Variants in MYO1C observed in about 807,000 individuals in gnomAD.
MYO1C encodes the protein myosin IC.
A neutral mutation model predicts 150.8 loss-of-function variants in MYO1C; 104 were observed. The observed-to-expected ratio is 0.69, with a 90% confidence interval of 0.59 to 0.81. MYO1C has a LOEUF of 0.81. Among genes scored for constraint, MYO1C ranks in the 30% least tolerant of loss-of-function variants. The probability of loss-of-function intolerance (pLI) is 0.00; values close to 1 mark genes in which losing one functional copy is unlikely to be tolerated. For synonymous variants in MYO1C, 663 were observed against 579.9 expected, an observed-to-expected ratio of 1.14 and a Z score of -2.06; for missense variants, 1,504 against 1,435.0, an observed-to-expected ratio of 1.05 and a Z score of -0.78.
intron 1 of MYO1C, among the ~76,000 whole-genome samples, chr17:1,488,336 C>T (rs2074691809): frequency 6.6e-6 from 1 of 152,150 alleles, no homozygotes; most frequent in Admixed American, 6.5e-5. Context: ...CCCAGGGCGG[C>T]TCCAGCACTG....
chr17:1,484,164 C>A lies in MYO1C; in HGVS notation c.215G>T (p.Arg72Leu). 1 of 1,612,980 alleles carries A rather than the reference C, an allele frequency of 6.2e-7. No individual in the cohort carries two copies. The highest frequency in any genetic ancestry group is 8.5e-7 in the Non-Finnish European group (1 of 1,180,022). The change falls in exon 2 of 32, where the codon CGG becomes CTG. Residue 72 changes from arginine (R) to leucine (L), a missense_variant. By Grantham distance (102) the Arg-to-Leu change is moderately radical. Coordinates refer to ENST00000648651, the MANE Select transcript of MYO1C (RefSeq NM_001080779.2). ...GGGCCTCACGTAGATGAGATTCTCC[C>A]GAAATCGCCGCCGCAGGTTCTCGAT... ...AFIENLRRRF[R>L]ENLIYTYIGP...
chr17:1,465,865 C>T lies in MYO1C; in HGVS notation c.3166-113G>A, dbSNP rs2074159647. On this transcript the variant is annotated intron_variant, in intron 31 of 31. Transcript: ENST00000648651. ...CCTTTTTATGGAGAATGGGGTCTCG[C>T]TATATTGTCCAGGCTGGTCTTGGAC... 3 of 749,698 alleles carry T rather than the reference C, an allele frequency of 4.0e-6. No homozygotes were observed. In the Admixed American group the frequency reaches 1.1e-4, roughly 27 times the overall value. 46.4% of individuals were successfully genotyped at this position (749,698 alleles called of 1,614,324 possible).
intron 1 of MYO1C, among the ~76,000 whole-genome samples, chr17:1,486,425 C>T (rs1003539715): frequency 1.3e-5 from 2 of 152,180 alleles, no homozygotes; most frequent in African/African-American, 2.4e-5. Context: ...ATTCGCGTCC[C>T]CCCCGCCCAC....
Position 1,492,668 on chromosome 17 carries a change from G to A in MYO1C, c.-181C>T, listed in dbSNP as rs1454625283. On this transcript the variant is annotated 5_prime_UTR_variant, in exon 1 of 32. Coordinates refer to ENST00000648651, the MANE Select transcript of MYO1C (RefSeq NM_001080779.2). ...GGCTGGTCCAGCTCCTCAGGACACG[G>A]CTGGAGCCGTCCAGGTCTGACTGGG... The A allele has an allele frequency of 3.1e-6, 2 of 652,340 alleles. No individual in the cohort carries two copies. Among genetic ancestry groups the A allele is most frequent in the African/African-American group, 1.8e-5 (1 of 56,098 alleles). The allele number at this position is 652,340 out of a possible 1,614,324, so 40.4% of individuals were successfully genotyped here. A position where few individuals can be genotyped will look rare whatever the true frequency, so the allele number is the denominator to read the frequency against.
At chr17:1,485,367 CCT>C (rs2150965397) in intron 1 of MYO1C, 13 of 1,094,636 alleles carry the variant, frequency 1.2e-5, no homozygotes, top group Non-Finnish European at 1.1e-5. Context: ...TGGCCGGGGG[CCT>C]GCCCCTCCCA....
Position 1,471,768 on chromosome 17 carries a change from G to GC in MYO1C, c.2021+138dup, listed in dbSNP as rs913587507. 85 of 908,152 alleles carry GC rather than the reference G, an allele frequency of 9.4e-5. No individual in the cohort carries two copies. In the African/African-American group the frequency reaches 1.3e-3, roughly 14 times the overall value. The allele number at this position is 908,152 out of a possible 1,614,324, so 56.3% of individuals were successfully genotyped here. A position where few individuals can be genotyped will look rare whatever the true frequency, so the allele number is the denominator to read the frequency against. On this transcript the variant is annotated intron_variant, in intron 19 of 31. Transcript: ENST00000648651. ...TGATGTCAGGACCGCAGCACCAAGG[G>GC]CCTCCACCAAGGGCAGCCCAGGGCC...
chr17:1,486,466 C>T (rs560248087), intron 1 of MYO1C, among the ~76,000 whole-genome samples: 25 of 152,066 alleles, frequency 1.6e-4, no homozygotes, highest in Non-Finnish European at 3.2e-4. Flanking sequence ...TCTCCCCACC[C>T]GGGACACCCC....
Position 1,468,492 on chromosome 17 carries a change from T to C in MYO1C, c.2615A>G (p.Gln872Arg), listed in dbSNP as rs531919133. Residue 872 changes from glutamine (Q) to arginine (R), a missense_variant, in exon 26 of 32, where the codon CAG (glutamine) becomes CGG (arginine). By Grantham distance (43) the Gln-to-Arg change is conservative. Transcript: ENST00000648651. ...SISPEWKQQL[Q>R]QKAVASEIFK... is the part of the protein sequence containing the mutation. ...GATCTCACTAGCCACGGCCTTCTGC[T>C]GCAGCTGAGGAGACAAGGGGGGTGA... The C allele has an allele frequency of 9.9e-6, 16 of 1,612,626 alleles. No homozygotes were observed. The highest frequency in any genetic ancestry group is 1.4e-5 in the Non-Finnish European group (16 of 1,179,258).
At chr17:1,474,896 T>TCC in intron 15 of MYO1C, 38 bp from the exon 16 acceptor site, 1 of 1,612,960 alleles carries the variant, frequency 6.2e-7, no homozygotes, top group East Asian at 2.2e-5. Flanking sequence ...AGACAGAGCC[T>TCC]CCCCGCAGGC....
At chr17:1,466,228 G>A (rs2074168788) in intron 31 of MYO1C, among the ~76,000 whole-genome samples, 1 of 134,128 alleles carries the variant, frequency 7.5e-6, no homozygotes, top group African/African-American at 3.0e-5. Flanking sequence ...GTGAGATCTT[G>A]GGTCTCATTG....
chr17:1,472,962 A>T (rs886227197), intron 17 of MYO1C, among the ~76,000 whole-genome samples: 1 of 152,186 alleles, frequency 6.6e-6, no homozygotes, highest in Non-Finnish European at 1.5e-5. Context: ...GCACTTTGGG[A>T]GGCCGAGGCG....
chr17:1,490,726 C>T (rs1398699508), intron 1 of MYO1C, among the ~76,000 whole-genome samples: 1 of 152,096 alleles, frequency 6.6e-6, no homozygotes, highest in East Asian at 1.9e-4. Flanking sequence ...TACCAGGACC[C>T]TGCCTATGAA....
chr17:1,468,792 A>C (rs1212941748), intron 25 of MYO1C: 2 of 513,050 alleles, frequency 3.9e-6, no homozygotes, highest in African/African-American at 3.8e-5. Flanking sequence ...ACTCAGCTCC[A>C]GCTTGGGGTC....
At chr17:1,483,183 TG>T (rs2150961278) in intron 3 of MYO1C, 124 bp from the exon 4 acceptor site, 1 of 964,940 alleles carries the variant, frequency 1.0e-6, no homozygotes, top group Non-Finnish European at 1.5e-6. Context: ...GGATGGGGAC[TG>T]GGGGTCCCTC....
intron 21 of MYO1C, 156 bp downstream of exon 21, chr17:1,470,915 G>A: frequency 6.2e-6 from 6 of 964,934 alleles, no homozygotes; most frequent in East Asian, 2.6e-5. Flanking sequence ...CTCCAAGTCG[G>A]CCATTGGACT....
intron 1 of MYO1C, among the ~76,000 whole-genome samples, chr17:1,487,899 C>A (rs923279185): frequency 3.9e-5 from 6 of 152,182 alleles, no homozygotes; most frequent in Admixed American, 3.9e-4. Flanking sequence ...CCAGCCTGGG[C>A]GACAGAGCGA....
intron 7 of MYO1C, 22 bp downstream of exon 7, chr17:1,480,505 A>C (rs1288014750): frequency 1.3e-6 from 2 of 1,591,292 alleles, no homozygotes; most frequent in South Asian, 2.2e-5. Context: ...GAGGAAAGCG[A>C]GGGTCCCGGA....
chr17:1,489,509 C>A (rs2074705771), intron 1 of MYO1C, among the ~76,000 whole-genome samples: 1 of 151,680 alleles, frequency 6.6e-6, no homozygotes, highest in African/African-American at 2.4e-5. Context: ...GAGACCCCTG[C>A]CTCCACTAAA....
At chr17:1,489,875 C>G (rs185553239) in intron 1 of MYO1C, among the ~76,000 whole-genome samples, 2 of 151,680 alleles carry the variant, frequency 1.3e-5, no homozygotes, top group East Asian at 3.9e-4. Context: ...CCTGTTTCAA[C>G]TAAAAATACA....
Sources: allele counts gnomAD v4.1 joint callset (sites outside exome capture counted in the v4.1 genomes callset), GRCh38; gene constraint gnomAD v4.1.1; transcripts MANE v1.5; gene names NCBI Gene and HGNC (gene_info 2026-07-23, HGNC 2026-07-21).